GPR158: variants seen among roughly 807,000 people sequenced by gnomAD.
GPR158 encodes metabotropic glycine receptor.
A neutral mutation model predicts 78.2 loss-of-function variants in GPR158; 30 were observed. The observed-to-expected ratio is 0.38, with a 90% CI of 0.29 to 0.52. The LOEUF is 0.52. Among genes scored for constraint, GPR158 ranks in the 20% least tolerant of loss-of-function variants. The pLI, the probability that GPR158 is intolerant of heterozygous loss-of-function variation, is 0.83. For missense variants in GPR158, 1,463 were observed against 1,523.5 expected, an observed-to-expected ratio of 0.96 and a Z score of 0.66; for synonymous variants, 581 against 591.1, an observed-to-expected ratio of 0.98 and a Z score of 0.25.
chr10:25,387,672 T>G (rs1834241117), intron 2 of GPR158, among the ~76,000 whole-genome samples: 1 of 151,962 alleles, frequency 6.6e-6, no homozygotes, highest in Non-Finnish European at 1.5e-5. Context: ...CACGCCACCA[T>G]GCCTGGCTAA....
intron 5 of GPR158, among the ~76,000 whole-genome samples, chr10:25,491,038 C>A (rs1835802945): frequency 1.3e-5 from 2 of 152,070 alleles, no homozygotes; most frequent in Non-Finnish European, 2.9e-5. Flanking sequence ...TAAATACATT[C>A]ATTTTAGAAA....
At chr10:25,563,334 T>G (rs543583913) in intron 6 of GPR158, among the ~76,000 whole-genome samples, 1 of 152,278 alleles carries the variant, frequency 6.6e-6, no homozygotes, top group South Asian at 2.1e-4. Context: ...AAACTATTAT[T>G]TCATTAGATC....
At chr10:25,402,443 A>G (rs1834460273) in intron 3 of GPR158, among the ~76,000 whole-genome samples, 1 of 152,074 alleles carries the variant, frequency 6.6e-6, no homozygotes, top group Non-Finnish European at 1.5e-5. Context: ...GTATTAGATG[A>G]TAATATTGTA....
intron 2 of GPR158, among the ~76,000 whole-genome samples, chr10:25,340,968 A>G (rs1328477861): frequency 6.6e-6 from 1 of 152,040 alleles, no homozygotes; most frequent in East Asian, 1.9e-4. Flanking sequence ...TTTTTTTTAA[A>G]TAGACAAAGA....
chr10:25,451,124 A>G (rs1329249), intron 4 of GPR158, among the ~76,000 whole-genome samples: 106,621 of 152,066 alleles, frequency 0.7, 38,884 homozygotes, highest in East Asian at 1. Flanking sequence ...ATTCTTGTGC[A>G]TATATTTTTG....
chr10:25,178,397 GA>G (rs1378398394), intron 1 of GPR158, among the ~76,000 whole-genome samples: 1 of 152,166 alleles, frequency 6.6e-6, no homozygotes, highest in Non-Finnish European at 1.5e-5. Flanking sequence ...AACTGAGGAT[GA>G]AAACCATTCA....
chr10:25,280,031 G>T (rs1405518935), intron 2 of GPR158, among the ~76,000 whole-genome samples: 1 of 150,572 alleles, frequency 6.6e-6, no homozygotes, highest in Non-Finnish European at 1.5e-5. Flanking sequence ...GAATAAGGGA[G>T]GGATCTTGTT....
intron 5 of GPR158, among the ~76,000 whole-genome samples, chr10:25,502,740 A>G (rs777492743): frequency 2.6e-5 from 4 of 152,184 alleles, no homozygotes; most frequent in Admixed American, 6.5e-5. Context: ...GCTCTGAGGT[A>G]CATTTGCAGC....
At chr10:25,586,495 C>T (rs369090776) in intron 7 of GPR158, among the ~76,000 whole-genome samples, 2 of 148,676 alleles carry the variant, frequency 1.3e-5, no homozygotes, top group East Asian at 4.0e-4. Flanking sequence ...CCTCCACCTC[C>T]TGTTTCAAGC....
chr10:25,290,062 A>G (rs1854412610), intron 2 of GPR158, among the ~76,000 whole-genome samples: 1 of 152,212 alleles, frequency 6.6e-6, no homozygotes, highest in Non-Finnish European at 1.5e-5. Context: ...GAGGTCACAA[A>G]CACAAAGTAA....
chr10:25,417,027 G>A (rs1476599657), intron 4 of GPR158, among the ~76,000 whole-genome samples: 4 of 151,322 alleles, frequency 2.6e-5, no homozygotes, highest in African/African-American at 9.7e-5. Context: ...GTGCAAATGG[G>A]AGGAAAAAAA....
intron 1 of GPR158, among the ~76,000 whole-genome samples, chr10:25,186,314 T>C (rs911783145): frequency 6.6e-6 from 1 of 152,016 alleles, no homozygotes; most frequent in Non-Finnish European, 1.5e-5. Context: ...TTAAAAGAAC[T>C]AGAGAAGCAA....
intron 6 of GPR158, among the ~76,000 whole-genome samples, chr10:25,560,093 A>G (rs1212106269): frequency 6.6e-6 from 1 of 152,214 alleles, no homozygotes; most frequent in Non-Finnish European, 1.5e-5. Context: ...TAATAATACT[A>G]TCTAACCAGC....
At chr10:25,452,756 C>A (rs1835238336) in intron 4 of GPR158, among the ~76,000 whole-genome samples, 1 of 152,308 alleles carries the variant, frequency 6.6e-6, no homozygotes, top group East Asian at 1.9e-4. Flanking sequence ...ATATGATATA[C>A]ATTGCTTATT....
chr10:25,349,917 G>A (rs1855433725), intron 2 of GPR158, among the ~76,000 whole-genome samples: 2 of 151,982 alleles, frequency 1.3e-5, no homozygotes, highest in Admixed American at 6.6e-5. Flanking sequence ...AAGGAAAGCC[G>A]TACTTGACAG....
rs937156000 is a variant in GPR158, at chr10:25,210,424, A to G, written c.903-10628A>G. Among the ~76,000 whole-genome samples, 17 of 152,270 alleles carry G rather than the reference A, an allele frequency of 1.1e-4. No individual in the cohort carries two copies. In the South Asian group the frequency reaches 1.2e-3, roughly 11 times the overall value. On this transcript the variant is annotated intron_variant, in intron 1 of 10. Coordinates refer to ENST00000376351, the MANE Select transcript of GPR158 (RefSeq NM_020752.3). ...TGAGTCATAGGGAGGGGTAAACTCA[A>G]TTTCACTAAATATTGTAAGATTACT...
intron 2 of GPR158, among the ~76,000 whole-genome samples, chr10:25,373,375 C>G (rs1015329715): frequency 2.6e-5 from 4 of 151,830 alleles, no homozygotes; most frequent in African/African-American, 9.7e-5. Flanking sequence ...ATAATTTGTA[C>G]AACAAACCCC....
rs201413215 is a variant in GPR158, at chr10:25,442,215, T to A, written c.1336-24436T>A. ...ACAGAAAGGAGTTTTAAGGTTTTTT[T>A]ATTTTTTTTCATTGACACAAATAAG... On this transcript the variant is annotated intron_variant, in intron 4 of 10. Transcript: ENST00000376351. Among the ~76,000 whole-genome samples the A allele has an allele frequency of 2.0e-4, 30 of 151,282 alleles. No homozygotes were observed. The East Asian group carries it at 2.1e-3, about 11-fold the overall frequency.
At chr10:25,570,239 C>G (rs1051128736) in intron 6 of GPR158, among the ~76,000 whole-genome samples, 22 of 152,156 alleles carry the variant, frequency 1.4e-4, no homozygotes, top group Non-Finnish European at 2.8e-4. Flanking sequence ...CAATGGAAAC[C>G]TTCTTATCCA....
Sources: allele counts gnomAD v4.1 joint callset (sites outside exome capture counted in the v4.1 genomes callset), GRCh38; gene constraint gnomAD v4.1.1; transcripts MANE v1.5; gene names NCBI Gene and HGNC (gene_info 2026-07-23, HGNC 2026-07-21).